Variants in ANO3 observed in about 807,000 individuals in gnomAD.
ANO3 encodes the protein anoctamin 3, also known as anoctamin-3.
Under a neutral mutation model 144.8 loss-of-function variants are expected in ANO3, and 99 were observed. The ratio of observed to expected loss-of-function variants is 0.68; its 90% CI spans 0.58 to 0.81. The LOEUF is 0.81. ANO3 is among the 30% of genes least tolerant of loss of function. ANO3 has a pLI of 0.00. For synonymous variants in ANO3, 414 were observed against 392.6 expected, an observed-to-expected ratio of 1.05 and a Z score of -0.64; for missense variants, 905 against 1,202.2, an observed-to-expected ratio of 0.75 and a Z score of 3.66.
At chr11:26,405,300 T>C (rs1319168397) in intron 1 of ANO3, among the ~76,000 whole-genome samples, 1 of 151,840 alleles carries the variant, frequency 6.6e-6, no homozygotes, top group Non-Finnish European at 1.5e-5. Flanking sequence ...TATCATAGTA[T>C]TTCCTAAATT....
intron 8 of ANO3, among the ~76,000 whole-genome samples, chr11:26,534,117 T>C (rs1849442978): frequency 6.6e-6 from 1 of 152,166 alleles, no homozygotes. Context: ...GAAAGCATGG[T>C]ATGGGGGATA....
intron 8 of ANO3, among the ~76,000 whole-genome samples, chr11:26,532,766 C>T (rs1190852580): frequency 6.6e-6 from 1 of 152,008 alleles, no homozygotes. Context: ...ACTCAAACAC[C>T]ACCACCTCCA....
chr11:26,508,937 A>C (rs1861540320), intron 5 of ANO3, among the ~76,000 whole-genome samples: 1 of 152,006 alleles, frequency 6.6e-6, no homozygotes, highest in African/African-American at 2.4e-5. Context: ...AGTCTCTCAA[A>C]TCATACGCTT....
At chr11:26,389,271 A>G (rs946515379) in intron 1 of ANO3, among the ~76,000 whole-genome samples, 8 of 152,112 alleles carry the variant, frequency 5.3e-5, no homozygotes, top group Middle Eastern at 3.2e-3. Flanking sequence ...CCGGGGTCAA[A>G]TGCCAGCTCC....
At chr11:26,523,855 T>A (rs1341677835) in intron 6 of ANO3, among the ~76,000 whole-genome samples, 1 of 152,140 alleles carries the variant, frequency 6.6e-6, no homozygotes, top group African/African-American at 2.4e-5. Flanking sequence ...CAACCAACCC[T>A]CTCCATATTA....
intron 3 of ANO3, among the ~76,000 whole-genome samples, chr11:26,450,754 G>C (rs1858900957): frequency 6.6e-6 from 1 of 151,126 alleles, no homozygotes; most frequent in Non-Finnish European, 1.5e-5. Flanking sequence ...GACAATATTT[G>C]TCAGAGATCT....
chr11:26,577,238 G>T (rs1428760403), intron 14 of ANO3, among the ~76,000 whole-genome samples: 1 of 152,148 alleles, frequency 6.6e-6, no homozygotes, highest in Non-Finnish European at 1.5e-5. Flanking sequence ...ATTGTCAACT[G>T]AGAGTATAGG....
intron 1 of ANO3, among the ~76,000 whole-genome samples, chr11:26,319,807 TG>T (rs1854716007): frequency 6.6e-6 from 1 of 152,216 alleles, no homozygotes; most frequent in Admixed American, 6.5e-5. Context: ...AATTTGACAA[TG>T]TTTTTAAAAC....
intron 11 of ANO3, among the ~76,000 whole-genome samples, chr11:26,546,173 G>A (rs1462566164): frequency 1.3e-5 from 2 of 149,810 alleles, no homozygotes; most frequent in Non-Finnish European, 3.0e-5. Context: ...ACAAACAAAT[G>A]TTTTTTTTTC....
intron 24 of ANO3, among the ~76,000 whole-genome samples, chr11:26,649,654 T>A (rs1244911810): frequency 1.3e-5 from 2 of 152,034 alleles, no homozygotes; most frequent in Non-Finnish European, 2.9e-5. Context: ...GGAGAATCGT[T>A]TGAACCCGAG....
chr11:26,339,964 G>T (rs552121836), intron 1 of ANO3, among the ~76,000 whole-genome samples: 1 of 152,186 alleles, frequency 6.6e-6, no homozygotes, highest in Admixed American at 6.5e-5. Flanking sequence ...ACCAAAGCAT[G>T]AATCTCCCAT....
chr11:26,490,117 C>A (rs1860642268), intron 4 of ANO3, among the ~76,000 whole-genome samples: 1 of 152,016 alleles, frequency 6.6e-6, no homozygotes, highest in South Asian at 2.1e-4. Flanking sequence ...ATGGGAGGGA[C>A]CAAGGGGGAG....
chr11:26,565,720 T>C, intron 14 of ANO3: 2 of 1,613,352 alleles, frequency 1.2e-6, no homozygotes, highest in Non-Finnish European at 1.7e-6. Context: ...TCCAAAGAAA[T>C]AGGTTTATTT....
intron 1 of ANO3, among the ~76,000 whole-genome samples, chr11:26,202,697 G>A (rs1035375350): frequency 6.6e-6 from 1 of 151,640 alleles, no homozygotes; most frequent in Non-Finnish European, 1.5e-5. Context: ...TCAACCACAC[G>A]AAGGCATGAG....
intron 1 of ANO3, chr11:26,427,180 T>C: frequency 4.9e-6 from 1 of 205,678 alleles, no homozygotes; most frequent in South Asian, 9.5e-5. Flanking sequence ...TGCCTGTCCA[T>C]TGCTGCAAGC....
chr11:26,465,834 ATTTTAAT>A (rs1859583276), intron 4 of ANO3, among the ~76,000 whole-genome samples: 1 of 151,930 alleles, frequency 6.6e-6, no homozygotes, highest in African/African-American at 2.4e-5. Context: ...GGGGTAGTGA[ATTTTAAT>A]TTTTGTCAGG....
chr11:26,568,556 T>C (rs913950577), intron 14 of ANO3, among the ~76,000 whole-genome samples: 2 of 151,972 alleles, frequency 1.3e-5, no homozygotes, highest in Non-Finnish European at 2.9e-5. Flanking sequence ...ACACTGATAA[T>C]ATAAGTCTTT....
At chr11:26,467,493 T>C (rs1859640451) in intron 4 of ANO3, among the ~76,000 whole-genome samples, 1 of 151,958 alleles carries the variant, frequency 6.6e-6, no homozygotes, top group African/African-American at 2.4e-5. Context: ...GTTAATTGTT[T>C]TAATTTTTAG....
chr11:26,225,846 G>C (rs747500495), intron 1 of ANO3, among the ~76,000 whole-genome samples: 7 of 152,028 alleles, frequency 4.6e-5, no homozygotes, highest in Non-Finnish European at 7.4e-5. Context: ...CTCTCTATTT[G>C]TACTTTCGTG....
Sources: allele counts gnomAD v4.1 joint callset (sites outside exome capture counted in the v4.1 genomes callset), GRCh38; gene constraint gnomAD v4.1.1; transcripts MANE v1.5; gene names NCBI Gene and HGNC (gene_info 2026-07-23, HGNC 2026-07-21).